Variants in LMO7 observed in about 807,000 individuals in gnomAD.
LMO7 encodes the protein LIM domain 7.
LMO7 carries 120 observed loss-of-function variants against 206.5 expected under a neutral mutation model. The ratio of observed to expected loss-of-function variants is 0.58; its 90% CI spans 0.50 to 0.68. The LOEUF (loss-of-function observed/expected upper bound fraction) is 0.68, where lower values mean the gene tolerates loss of function less well. Among genes scored for constraint, LMO7 ranks in the 30% least tolerant of loss-of-function variants. LMO7 has a pLI of 0.00. For synonymous variants in LMO7, 706 were observed against 681.5 expected (o/e 1.04, Z -0.56); for missense variants, 1,959 against 1,957.9 (o/e 1.00, Z -0.01).
At chr13:75,776,611 G>C (rs1332817133) in intron 4 of LMO7, among the ~76,000 whole-genome samples, 1 of 152,116 alleles carries the variant, frequency 6.6e-6, no homozygotes, top group Non-Finnish European at 1.5e-5. Context: ...AATTGACATA[G>C]GTTAGGAGGA....
At chr13:75,826,442 G>C (rs2058122034) in intron 15 of LMO7, among the ~76,000 whole-genome samples, 1 of 152,130 alleles carries the variant, frequency 6.6e-6, no homozygotes, top group Non-Finnish European at 1.5e-5. Flanking sequence ...CACAAGACTG[G>C]CATCAGATTA....
intron 25 of LMO7, among the ~76,000 whole-genome samples, chr13:75,844,590 G>T (rs563536270): frequency 6.6e-6 from 1 of 151,680 alleles, no homozygotes; most frequent in South Asian, 2.1e-4. Context: ...TTGTATTTTT[G>T]TAGAGACGGG....
At chr13:75,788,547 G>A (rs1274784145) in intron 4 of LMO7, among the ~76,000 whole-genome samples, 3 of 150,346 alleles carry the variant, frequency 2.0e-5, no homozygotes, top group African/African-American at 4.9e-5. Context: ...ACATGCCTCC[G>A]CTCTTGCCCC....
intron 3 of LMO7, chr13:75,760,687 A>G (rs1246091511): frequency 7.9e-6 from 12 of 1,521,346 alleles, no homozygotes; most frequent in Non-Finnish European, 2.6e-6. Flanking sequence ...CGTGCCAGTC[A>G]CAAAGATCAC....
At chr13:75,729,839 G>A (rs1224180614) in intron 3 of LMO7, among the ~76,000 whole-genome samples, 1 of 149,160 alleles carries the variant, frequency 6.7e-6, no homozygotes, top group East Asian at 2.0e-4. Flanking sequence ...TAGCATGAAG[G>A]GTTGTTGAAT....
rs1392350875 is a variant in LMO7, at chr13:75,762,039, G to A, written c.317+1001G>A. ...ACCAGCTATGTAAGTATCTTTGATAGTACACATTGTCTTCCAGCAGTACAC... is the reference window on the plus strand; with the variant it reads ...ACCAGCTATGTAAGTATCTTTGATAATACACATTGTCTTCCAGCAGTACAC... On this transcript the variant is annotated intron_variant, in intron 4 of 30. Coordinates refer to ENST00000377534, the MANE Select transcript of LMO7 (RefSeq NM_001306080.2). Among the ~76,000 whole-genome samples, 4 of 152,188 alleles carry A rather than the reference G, an allele frequency of 2.6e-5. No individual in the cohort carries two copies. The East Asian group carries it at 7.7e-4, about 29-fold the overall frequency.
At chr13:75,814,746 G>C (rs1334459480) in intron 11 of LMO7, among the ~76,000 whole-genome samples, 1 of 152,174 alleles carries the variant, frequency 6.6e-6, no homozygotes, top group African/African-American at 2.4e-5. Flanking sequence ...GGGGAGAGGG[G>C]CATTTATTAT....
intron 3 of LMO7, among the ~76,000 whole-genome samples, chr13:75,735,116 CGT>C (rs112512807): frequency 0.4 from 57,796 of 145,450 alleles, 13,005 homozygotes; most frequent in Middle Eastern, 0.53. Flanking sequence ...AAAAAAATTA[CGT>C]GTGTGTGTGT....
At chr13:75,661,323 G>A (rs1351274901) in intron 1 of LMO7, among the ~76,000 whole-genome samples, 2 of 152,182 alleles carry the variant, frequency 1.3e-5, no homozygotes, top group Admixed American at 1.3e-4. Context: ...AGAGAGAGTA[G>A]TTTCTTGATA....
At chr13:75,811,610 T>A (rs1462541805) in intron 11 of LMO7, among the ~76,000 whole-genome samples, 1 of 152,244 alleles carries the variant, frequency 6.6e-6, no homozygotes, top group African/African-American at 2.4e-5. Flanking sequence ...CAGTATCTTT[T>A]GAAGTCTGAG....
At chr13:75,790,935 C>A (rs1313779049) in intron 4 of LMO7, among the ~76,000 whole-genome samples, 2 of 144,592 alleles carry the variant, frequency 1.4e-5, no homozygotes, top group South Asian at 2.3e-4. Context: ...ATCAACATAC[C>A]CAAGATAGGT....
intron 1 of LMO7, among the ~76,000 whole-genome samples, chr13:75,712,676 A>G (rs1473864282): frequency 2.6e-5 from 4 of 152,196 alleles, no homozygotes; most frequent in African/African-American, 9.7e-5. Flanking sequence ...CTTTACATCA[A>G]TTAGGACGAT....
chr13:75,817,981 A>C (rs149504631), intron 12 of LMO7, among the ~76,000 whole-genome samples: 2 of 152,306 alleles, frequency 1.3e-5, no homozygotes, highest in African/African-American at 4.8e-5. Context: ...TTTGAGGACA[A>C]CTTTATGGTA....
At position 75,800,678 on chromosome 13, in the gene LMO7, C is replaced by A. The variant is rs1327732956; in HGVS notation, c.463-6C>A. Reference sequence around the variant, plus strand: ...CTTACTATTCTTTAAAAAACGTTTTCTTTAGGCACTCGAAGACTCCAGCTT... The same window carrying A: ...CTTACTATTCTTTAAAAAACGTTTTATTTAGGCACTCGAAGACTCCAGCTT... On this transcript the variant is annotated splice_polypyrimidine_tract_variant and splice_region_variant and intron_variant, in intron 6 of 30. Transcript: ENST00000377534. 1 of 1,613,268 alleles carries A rather than the reference C, an allele frequency of 6.2e-7. No homozygotes were observed.
In LMO7 at chr13:75,685,299, G is replaced by A. The variant is rs79535225; in HGVS notation, c.70-27883G>A. Among the ~76,000 whole-genome samples the A allele has an allele frequency of 6.3e-3, 957 of 152,228 alleles. 8 individuals carry two copies. Among genetic ancestry groups the A allele is most frequent in the Non-Finnish European group, 8.8e-3 (599 of 68,012 alleles). ...GTTTGCAGTTTCTGTGAACTGTGCT[G>A]GCCTCTGGGAATGAGGCTGCTATGC... On this transcript the variant is annotated intron_variant, in intron 1 of 30. Coordinates refer to ENST00000377534, the MANE Select transcript of LMO7 (RefSeq NM_001306080.2).
chr13:75,764,967 T>A (rs1357718786), intron 4 of LMO7, among the ~76,000 whole-genome samples: 1 of 152,170 alleles, frequency 6.6e-6, no homozygotes, highest in East Asian at 1.9e-4. Flanking sequence ...AAAGTACAGA[T>A]ATTAAAAATC....
intron 30 of LMO7, 77 bp downstream of exon 30, chr13:75,856,685 C>A: frequency 1.2e-6 from 1 of 824,348 alleles, no homozygotes. Flanking sequence ...CCTGAACCTG[C>A]AGCGAGCTCC....
At chr13:75,707,555 T>C (rs1381041914) in intron 1 of LMO7, among the ~76,000 whole-genome samples, 1 of 152,078 alleles carries the variant, frequency 6.6e-6, no homozygotes, top group Non-Finnish European at 1.5e-5. Context: ...CCTGTTGTCC[T>C]AGTATAAATT....
chr13:75,807,723 T>G lies in LMO7; in HGVS notation c.1440T>G (p.Ala480=). Residue 480 remains alanine, a synonymous_variant, in exon 10 of 31, where the codon GCT becomes GCG. Transcript: ENST00000377534. The stretch of plus-strand genomic sequence containing the variant: ...ATGCAAATCCATATGTTCTCCGAGC[T>G]TTTGAAGACTTTAGAAAGTTCTCTG... ...AFHANPYVLR[A]FEDFRKFSEQ... 1 of 1,614,024 alleles carries G rather than the reference T, an allele frequency of 6.2e-7. No homozygotes were observed. Among genetic ancestry groups the G allele is most frequent in the Non-Finnish European group, 8.5e-7 (1 of 1,179,900 alleles).
Sources: gnomAD v4.1 joint callset for allele counts (sites outside exome capture counted in the v4.1 genomes callset) on GRCh38, gnomAD v4.1.1 for gene constraint, MANE v1.5 for transcripts, NCBI Gene and HGNC (gene_info 2026-07-23, HGNC 2026-07-21) for gene names.